LPP: variants seen among roughly 807,000 people sequenced by gnomAD.
The protein encoded by LPP is lipoma-preferred partner.
LPP carries 38 observed loss-of-function variants against 60.4 expected under a neutral mutation model. The ratio of observed to expected loss-of-function variants is 0.63; its 90% CI spans 0.49 to 0.83. The LOEUF is 0.83. LPP is among the 40% of genes least tolerant of loss of function. The probability of loss-of-function intolerance (pLI) is 0.00; values close to 1 mark genes in which losing one functional copy is unlikely to be tolerated. For missense variants in LPP, 902 were observed against 783.6 expected (o/e 1.15, Z -1.80); for synonymous variants, 328 against 290.8 (o/e 1.13, Z -1.30).
intron 7 of LPP, among the ~76,000 whole-genome samples, chr3:188,635,423 G>A (rs563746374): frequency 1.1e-4 from 16 of 152,284 alleles, no homozygotes; most frequent in East Asian, 7.7e-4. Context: ...TTACCAGTAC[G>A]TTTGGTTCTA....
intron 3 of LPP, among the ~76,000 whole-genome samples, chr3:188,385,226 A>G (rs550126043): frequency 2.0e-5 from 3 of 152,090 alleles, no homozygotes; most frequent in South Asian, 2.1e-4. Context: ...TCTTTATTCA[A>G]TGTTTCACTT....
At chr3:188,411,487 A>G (rs1784871141) in intron 4 of LPP, among the ~76,000 whole-genome samples, 1 of 152,214 alleles carries the variant, frequency 6.6e-6, no homozygotes, top group East Asian at 1.9e-4. Flanking sequence ...CACAATTCTT[A>G]AAGATTTTAT....
intron 7 of LPP, among the ~76,000 whole-genome samples, chr3:188,669,342 C>T (rs1041905585): frequency 4.6e-5 from 7 of 152,002 alleles, no homozygotes; most frequent in East Asian, 1.9e-4. Flanking sequence ...TTTGGGAGGT[C>T]GAGGCGGGCG....
At chr3:188,399,364 A>T (rs991433431) in intron 3 of LPP, among the ~76,000 whole-genome samples, 29 of 149,936 alleles carry the variant, frequency 1.9e-4, no homozygotes, top group Admixed American at 6.0e-4. Context: ...AGAATGTTTA[A>T]AAAAAAAAAA....
chr3:188,523,265 G>A (rs1016330761), intron 5 of LPP, among the ~76,000 whole-genome samples: 1 of 152,068 alleles, frequency 6.6e-6, no homozygotes, highest in African/African-American at 2.4e-5. Flanking sequence ...CTTGAAGTAG[G>A]TTTGGCTCCA....
At chr3:188,529,410 T>G (rs1168048397) in intron 6 of LPP, among the ~76,000 whole-genome samples, 1 of 151,590 alleles carries the variant, frequency 6.6e-6, no homozygotes, top group African/African-American at 2.4e-5. Context: ...TAGTCAAACA[T>G]GTGTTGTAAG....
chr3:188,296,977 G>C (rs1181226324), intron 2 of LPP, among the ~76,000 whole-genome samples: 1 of 152,200 alleles, frequency 6.6e-6, no homozygotes, highest in African/African-American at 2.4e-5. Flanking sequence ...GTGGAGAAAG[G>C]AGACGTTCTG....
At chr3:188,488,425 A>G (rs1030546604) in intron 5 of LPP, among the ~76,000 whole-genome samples, 5 of 152,290 alleles carry the variant, frequency 3.3e-5, no homozygotes, top group African/African-American at 9.6e-5. Context: ...CTTTTCTGTC[A>G]GGATCAACGT....
At chr3:188,683,106 G>T (rs1440436865) in intron 7 of LPP, among the ~76,000 whole-genome samples, 3 of 152,078 alleles carry the variant, frequency 2.0e-5, no homozygotes, top group African/African-American at 7.2e-5. Flanking sequence ...CTGTACAAAG[G>T]TGATCTTAAG....
At chr3:188,411,252 TA>T (rs1214065823) in intron 4 of LPP, among the ~76,000 whole-genome samples, 1 of 152,036 alleles carries the variant, frequency 6.6e-6, no homozygotes, top group Non-Finnish European at 1.5e-5. Context: ...TAGTCATAAT[TA>T]AAAAAATAAT....
At chr3:188,631,969 C>A (rs1446758460) in intron 7 of LPP, among the ~76,000 whole-genome samples, 17 of 152,150 alleles carry the variant, frequency 1.1e-4, no homozygotes, top group Admixed American at 1.1e-3. Flanking sequence ...AGTAGAAGAA[C>A]CATAGTGAAC....
intron 4 of LPP, among the ~76,000 whole-genome samples, chr3:188,483,370 A>T (rs935386521): frequency 6.6e-6 from 1 of 152,172 alleles, no homozygotes; most frequent in African/African-American, 2.4e-5. Flanking sequence ...TGTTTTGATA[A>T]TATCCAAAAG....
At chr3:188,453,882 CTGTG>C (rs1797157827) in intron 4 of LPP, among the ~76,000 whole-genome samples, 2 of 152,078 alleles carry the variant, frequency 1.3e-5, no homozygotes, top group Non-Finnish European at 2.9e-5. Flanking sequence ...GCATGTAGAA[CTGTG>C]GAGATTCTAA....
chr3:188,360,854 G>T (rs16863249), intron 3 of LPP, among the ~76,000 whole-genome samples: 17,777 of 152,182 alleles, frequency 0.12, 1,139 homozygotes, highest in East Asian at 0.17. Context: ...CTTATGGACT[G>T]GAGTTTCCTT....
At chr3:188,299,038 C>G (rs1171279368) in intron 2 of LPP, among the ~76,000 whole-genome samples, 1 of 152,190 alleles carries the variant, frequency 6.6e-6, no homozygotes, top group Non-Finnish European at 1.5e-5. Flanking sequence ...ACTTATGTGT[C>G]TTACATCTTA....
At chr3:188,186,602 T>TA (rs1726671218) in intron 1 of LPP, among the ~76,000 whole-genome samples, 1 of 147,404 alleles carries the variant, frequency 6.8e-6, no homozygotes, top group African/African-American at 2.5e-5. Flanking sequence ...TTTTTTTTTT[T>TA]AATTTAAAAG....
intron 2 of LPP, among the ~76,000 whole-genome samples, chr3:188,232,368 A>G (rs749724337): frequency 5.3e-5 from 8 of 151,204 alleles, no homozygotes; most frequent in Admixed American, 1.3e-4. Context: ...TTTTTTTGAG[A>G]TGGAGTCTCA....
chr3:188,406,089 A>G (rs751702491), intron 3 of LPP, 23 bp from the exon 4 acceptor site: 4 of 1,594,888 alleles, frequency 2.5e-6, no homozygotes, highest in Non-Finnish European at 3.4e-6. Context: ...TTCCATAAAA[A>G]CAGTGTTTCT....
chr3:188,207,814 C>A (rs1237058583), intron 1 of LPP, among the ~76,000 whole-genome samples: 1 of 152,036 alleles, frequency 6.6e-6, no homozygotes, highest in Non-Finnish European at 1.5e-5. Context: ...CCTGCTCCAT[C>A]CTCTTTTAAT....
Sources: gnomAD v4.1 joint callset for allele counts (sites outside exome capture counted in the v4.1 genomes callset) on GRCh38, gnomAD v4.1.1 for gene constraint, MANE v1.5 for transcripts, NCBI Gene and HGNC (gene_info 2026-07-23, HGNC 2026-07-21) for gene names.